The following SOX5 variants were observed in gnomAD, a reference collection of about 807,000 sequenced individuals.
The protein encoded by SOX5 is SRY-box transcription factor 5, also known as transcription factor SOX-5.
SOX5 carries 9 observed loss-of-function variants against 92.0 expected under a neutral mutation model. That is an observed-to-expected ratio of 0.10 (90% CI 0.06 to 0.17). SOX5 has a LOEUF of 0.17. Among genes scored for constraint, SOX5 ranks in the 10% least tolerant of loss-of-function variants. The pLI is 1.00. For synonymous variants in SOX5, 344 were observed against 336.3 expected, an observed-to-expected ratio of 1.02 and a Z score of -0.25; for missense variants, 642 against 944.5, an observed-to-expected ratio of 0.68 and a Z score of 4.20.
rs540947683 is a variant in SOX5, at chr12:24,157,769, A to G, written c.-2+55574T>C. Among the ~76,000 whole-genome samples, 275 of 152,240 alleles carry G rather than the reference A, an allele frequency of 1.8e-3. 2 individuals carry two copies. Among genetic ancestry groups the G allele is most frequent in the African/African-American group, 6.3e-3 (262 of 41,570 alleles). On this transcript the variant is annotated intron_variant, in intron 4 of 4. Coordinates refer to the SOX5 transcript ENST00000446891. ...TACCATCTGTCCTATTAAGGGAAGC[A>G]CCAGTATTTATGGCATTAAAATCGT...
At chr12:23,570,926 AAAAAATATATAT>A (rs1948165117) in intron 10 of SOX5, among the ~76,000 whole-genome samples, 1 of 41,562 alleles carries the variant, frequency 2.4e-5, no homozygotes, top group African/African-American at 1.3e-4. Context: ...AAAAAAAAAA[AAAAAATATATAT>A]ATATATATAT....
Position 23,949,605 on chromosome 12 carries a change from G to A in SOX5, c.-4C>T. 6.2e-7 allele frequency: 1 copy of A among 1,613,634 alleles called. No individual in the cohort carries two copies. Among genetic ancestry groups the A allele is most frequent in the Non-Finnish European group, 8.5e-7 (1 of 1,179,654 alleles). On this transcript the variant is annotated 5_prime_UTR_variant, in exon 1 of 15. Transcript: ENST00000451604. ...GTAAATCAGGGTCAGTAAGCATGCTGGAAAAGCACAATTTCCCTTTGTCAC... is the reference window on the plus strand; with the variant it reads ...GTAAATCAGGGTCAGTAAGCATGCTAGAAAAGCACAATTTCCCTTTGTCAC...
intron 6 of SOX5, among the ~76,000 whole-genome samples, chr12:23,667,873 T>C (rs973523740): frequency 6.6e-6 from 1 of 152,228 alleles, no homozygotes; most frequent in African/African-American, 2.4e-5. Flanking sequence ...GTGGTTAATC[T>C]ATGTGAGCGA....
At chr12:24,294,299 C>A (rs555186749) in intron 2 of SOX5, among the ~76,000 whole-genome samples, 1 of 151,406 alleles carries the variant, frequency 6.6e-6, no homozygotes, top group South Asian at 2.1e-4. Context: ...TTTTCCTCAA[C>A]ACTCAGAACA....
At chr12:24,183,462 G>A (rs1955711417) in intron 4 of SOX5, among the ~76,000 whole-genome samples, 1 of 152,106 alleles carries the variant, frequency 6.6e-6, no homozygotes, top group Non-Finnish European at 1.5e-5. Flanking sequence ...GTACCATAAG[G>A]AATAGAACTA....
At chr12:24,277,847 C>T (rs1944675957) in intron 2 of SOX5, among the ~76,000 whole-genome samples, 1 of 152,070 alleles carries the variant, frequency 6.6e-6, no homozygotes, top group East Asian at 1.9e-4. Context: ...CAGCAATGGT[C>T]AACACAGTAA....
intron 1 of SOX5, among the ~76,000 whole-genome samples, chr12:24,476,623 C>G (rs574959600): frequency 6.6e-6 from 1 of 152,244 alleles, no homozygotes; most frequent in East Asian, 1.9e-4. Flanking sequence ...CTCCTCCAGC[C>G]CAGGCCCCCA....
At chr12:24,383,372 C>T (rs546448041) in intron 1 of SOX5, among the ~76,000 whole-genome samples, 4 of 152,214 alleles carry the variant, frequency 2.6e-5, no homozygotes, top group Admixed American at 2.0e-4. Flanking sequence ...GAACTAAATT[C>T]ACTGTCCACA....
At chr12:23,571,397 C>T (rs1948356480) in intron 10 of SOX5, among the ~76,000 whole-genome samples, 1 of 152,054 alleles carries the variant, frequency 6.6e-6, no homozygotes, top group Non-Finnish European at 1.5e-5. Flanking sequence ...AAGAACAGTA[C>T]ATTCCAATAT....
At chr12:23,796,403 T>G (rs1003795880) in intron 3 of SOX5, among the ~76,000 whole-genome samples, 20 of 152,010 alleles carry the variant, frequency 1.3e-4, no homozygotes, top group Non-Finnish European at 1.0e-4. Context: ...TTTGAATGAG[T>G]AGTTTGAATT....
chr12:24,138,756 G>A (rs1325030019), intron 4 of SOX5, among the ~76,000 whole-genome samples: 1 of 152,036 alleles, frequency 6.6e-6, no homozygotes, highest in Admixed American at 6.6e-5. Context: ...ATAATAATAG[G>A]TACACTTCAG....
intron 1 of SOX5, among the ~76,000 whole-genome samples, chr12:24,399,195 C>A (rs12296342): frequency 0.076 from 11,568 of 151,546 alleles, 1,444 homozygotes; most frequent in African/African-American, 0.26. Context: ...AAAAAAAAAA[C>A]CAAACAAACA....
At chr12:24,308,155 A>G (rs943802791) in intron 2 of SOX5, among the ~76,000 whole-genome samples, 1 of 152,180 alleles carries the variant, frequency 6.6e-6, no homozygotes, top group African/African-American at 2.4e-5. Context: ...TTCTAGGGAC[A>G]TTCTGCTGGT....
intron 1 of SOX5, among the ~76,000 whole-genome samples, chr12:24,547,455 T>A (rs867481060): frequency 2.6e-5 from 4 of 151,272 alleles, no homozygotes; most frequent in Admixed American, 6.6e-5. Context: ...CCTCCCAAAG[T>A]GCTGGGATTA....
At chr12:23,807,965 T>G (rs1265063954) in intron 3 of SOX5, among the ~76,000 whole-genome samples, 1 of 152,180 alleles carries the variant, frequency 6.6e-6, no homozygotes, top group South Asian at 2.1e-4. Flanking sequence ...CCAATAGTTT[T>G]AAGCCACCCA....
intron 4 of SOX5, among the ~76,000 whole-genome samples, chr12:24,192,700 G>A (rs1171910723): frequency 6.6e-6 from 1 of 152,142 alleles, no homozygotes; most frequent in East Asian, 1.9e-4. Flanking sequence ...AACAAACCAC[G>A]ACATTCTTGG....
intron 3 of SOX5, among the ~76,000 whole-genome samples, chr12:23,806,668 AG>A: frequency 6.6e-6 from 1 of 151,774 alleles, no homozygotes; most frequent in Non-Finnish European, 1.5e-5. Flanking sequence ...AAAAAAAAAA[AG>A]ACAGGGATTT....
chr12:23,562,207 T>G (rs1258828307), intron 11 of SOX5, among the ~76,000 whole-genome samples: 1 of 152,092 alleles, frequency 6.6e-6, no homozygotes. Context: ...TATCCTTTGC[T>G]CTCTCCCCTG....
At chr12:24,153,640 C>G (rs1368466110) in intron 4 of SOX5, among the ~76,000 whole-genome samples, 1 of 152,040 alleles carries the variant, frequency 6.6e-6, no homozygotes, top group Non-Finnish European at 1.5e-5. Context: ...TTCTTGCACA[C>G]TCCACTGAAA....
Sources: allele counts gnomAD v4.1 joint callset (sites outside exome capture counted in the v4.1 genomes callset), GRCh38; gene constraint gnomAD v4.1.1; transcripts MANE v1.5; gene names NCBI Gene and HGNC (gene_info 2026-07-23, HGNC 2026-07-21).